Variants in LGR4 observed in about 807,000 individuals in gnomAD.
The protein encoded by LGR4 is leucine-rich repeat-containing G protein-coupled receptor 4.
LGR4 carries 44 observed loss-of-function variants against 84.8 expected under a neutral mutation model. The observed-to-expected ratio is 0.52, with a 90% CI of 0.41 to 0.67. The LOEUF (loss-of-function observed/expected upper bound fraction) is 0.67, where lower values mean the gene tolerates loss of function less well. LGR4 is among the 30% of genes least tolerant of loss of function. The pLI, the probability that LGR4 is intolerant of heterozygous loss-of-function variation, is 0.00. For synonymous variants in LGR4, 429 were observed against 434.3 expected (o/e 0.99, Z 0.15); for missense variants, 1,032 against 1,131.4 (o/e 0.91, Z 1.26).
At chr11:27,460,023 G>A (rs568381595) in intron 1 of LGR4, among the ~76,000 whole-genome samples, 1 of 152,254 alleles carries the variant, frequency 6.6e-6, no homozygotes, top group South Asian at 2.1e-4. Context: ...CCGGGAAGCG[G>A]AGGCTACAGT....
Position 27,380,338 on chromosome 11 carries a change from C to A in LGR4, c.904G>T (p.Val302Phe). The A allele has an allele frequency of 6.2e-7, 1 of 1,604,954 alleles. No individual in the cohort carries two copies. Among genetic ancestry groups the A allele is most frequent in the Non-Finnish European group, 8.5e-7 (1 of 1,175,308 alleles). ...FHNLSDLHSLVIRGASMVQQF... is the reference protein window; with the variant it reads ...FHNLSDLHSLFIRGASMVQQF... ...TGCACCATGCTTGCACCACGAATGA[C>A]TCTTTATGAAATTGAGAAAGACAAG... Residue 302 changes from valine to phenylalanine, a missense_variant and splice_region_variant, in exon 10 of 18, where the codon GTC (valine) becomes TTC (phenylalanine). Transcript: ENST00000379214.
At position 27,366,717 on chromosome 11, in the gene LGR4, TCTA is replaced by T. The variant is rs1200331230; in HGVS notation, c.*1147_*1149del. 6.6e-6 allele frequency: 1 copy of T among 152,558 alleles called. No homozygotes were observed. The highest frequency in any genetic ancestry group is 1.5e-5 in the Non-Finnish European group (1 of 67,974). 9.5% of individuals were successfully genotyped at this position (152,558 alleles called of 1,614,324 possible). ...AGGACTAAGCTTTATTCTTTCTTCT[TCTA>T]TTTTTATTAATAACATATTATCTTG... On this transcript the variant is annotated 3_prime_UTR_variant, in exon 18 of 18. Transcript: ENST00000379214.
chr11:27,391,134 G>A lies in LGR4; in HGVS notation c.361C>T (p.Pro121Ser). 5 of 1,609,762 alleles carry A rather than the reference G, an allele frequency of 3.1e-6. No individual in the cohort carries two copies. The South Asian group carries it at 5.5e-5, about 18-fold the overall frequency. Reference protein sequence around the residue: ...TLQNNQLKTVPSEAIRGLSAL... With the variant: ...TLQNNQLKTVSSEAIRGLSAL... ...CTCAGCCCTCGAATGGCTTCACTGG[G>A]TACTGTTTTCAACTGATTATTCTGG... The change falls in exon 4 of 18, where the codon CCC (proline) becomes TCC (serine). Residue 121 changes from proline to serine, a missense_variant. Transcript: ENST00000379214.
intron 1 of LGR4, among the ~76,000 whole-genome samples, chr11:27,455,074 C>T (rs1864548894): frequency 1.3e-5 from 2 of 152,172 alleles, no homozygotes; most frequent in South Asian, 4.1e-4. Flanking sequence ...CTCACTTTGT[C>T]ACCCATGCTG....
In LGR4 at chr11:27,367,718, G is replaced by C. The variant is rs898258879; in HGVS notation, c.*149C>G. 5.2e-6 allele frequency: 3 copies of C among 579,588 alleles called. No homozygotes were observed. The allele number at this position is 579,588 out of a possible 1,614,324, so 35.9% of individuals were successfully genotyped here. A position where few individuals can be genotyped will look rare whatever the true frequency, so the allele number is the denominator to read the frequency against. On this transcript the variant is annotated 3_prime_UTR_variant, in exon 18 of 18. Transcript: ENST00000379214. ...AGGCACCTGTTCTTTGAAAATGACT[G>C]GTTTGAGAAATAAACTGCCACCTCT...
At chr11:27,442,309 G>C (rs1044023898) in intron 1 of LGR4, among the ~76,000 whole-genome samples, 1 of 152,078 alleles carries the variant, frequency 6.6e-6, no homozygotes, top group African/African-American at 2.4e-5. Context: ...TCTTTTGTAG[G>C]GGTGAAAATG....
At chr11:27,395,726 A>C (rs1863377932) in intron 2 of LGR4, among the ~76,000 whole-genome samples, 1 of 152,182 alleles carries the variant, frequency 6.6e-6, no homozygotes. Context: ...TATCCTGTGG[A>C]GCCTTCAGGA....
intron 1 of LGR4, among the ~76,000 whole-genome samples, chr11:27,433,590 C>A (rs550106279): frequency 2.8e-4 from 43 of 152,060 alleles, no homozygotes; most frequent in Non-Finnish European, 5.6e-4. Context: ...CTAAACTATC[C>A]TCCCTGTGAA....
At chr11:27,441,686 G>A (rs1864306567) in intron 1 of LGR4, among the ~76,000 whole-genome samples, 1 of 152,196 alleles carries the variant, frequency 6.6e-6, no homozygotes. Flanking sequence ...GGATTTAGCA[G>A]TTCTGTGGTC....
At chr11:27,467,374 T>C (rs1590417354) in intron 1 of LGR4, among the ~76,000 whole-genome samples, 1 of 152,012 alleles carries the variant, frequency 6.6e-6, no homozygotes, top group African/African-American at 2.4e-5. Flanking sequence ...AAGACCAGCC[T>C]GGCCAAGATG....
rs769855314 is a variant in LGR4, at chr11:27,371,631, A to G, written c.1563T>C (p.His521=). ...ENEEHSQIII[H]CTPSTGAFKP... is the part of the protein sequence containing the mutation. ...CAGGCATACCTGTTGAAGGTGTACA[A>G]TGGATAATTATTTGACTATGTTCTT... Residue 521 remains histidine, a synonymous_variant, in exon 17 of 18, where the codon CAT becomes CAC. Coordinates refer to ENST00000379214, the MANE Select transcript of LGR4 (RefSeq NM_018490.5). The G allele has an allele frequency of 2.5e-6, 4 of 1,612,910 alleles. No homozygotes were observed. The highest frequency in any genetic ancestry group is 3.4e-6 in the Non-Finnish European group (4 of 1,179,158).
chr11:27,472,578 G>T lies in LGR4; in HGVS notation c.-276C>A. 2.6e-6 allele frequency: 1 copy of T among 377,460 alleles called. No homozygotes were observed. Among genetic ancestry groups the T allele is most frequent in the East Asian group, 3.8e-5 (1 of 26,178 alleles). 23.4% of individuals were successfully genotyped at this position (377,460 alleles called of 1,614,324 possible). On this transcript the variant is annotated 5_prime_UTR_variant, in exon 1 of 18. Coordinates refer to ENST00000379214, the MANE Select transcript of LGR4 (RefSeq NM_018490.5). The stretch of plus-strand genomic sequence containing the variant: ...AGCCGGGCCGGCCCGGCGCAGCGGC[G>T]GGGGCCGCGCTCTGCCATCGCACCG...
intron 1 of LGR4, among the ~76,000 whole-genome samples, chr11:27,437,782 TCC>T (rs1864237210): frequency 2.2e-5 from 1 of 45,234 alleles, no homozygotes; most frequent in Non-Finnish European, 6.4e-5. Flanking sequence ...CAGGAGGACC[TCC>T]TGAGCCCAGG....
At position 27,381,703 on chromosome 11, in the gene LGR4, AATC is replaced by A. The variant is rs1178437339; in HGVS notation, c.758+482_758+484del. Among the ~76,000 whole-genome samples the A allele has an allele frequency of 2.3e-4, 3 of 13,084 alleles. No homozygotes were observed. In the East Asian group the frequency reaches 0.028, roughly 121 times the overall value. 8.6% of individuals were successfully genotyped at this position (13,084 alleles called of 152,430 possible). On this transcript the variant is annotated intron_variant, in intron 7 of 17. Coordinates refer to ENST00000379214, the MANE Select transcript of LGR4 (RefSeq NM_018490.5). ...AGACTCCGTCTCAAAACATACAAAC[AATC>A]AAAAAAAAAAATAAAAACAAAAATG...
intron 16 of LGR4, among the ~76,000 whole-genome samples, chr11:27,371,916 T>C (rs569668809): frequency 5.3e-5 from 8 of 152,244 alleles, no homozygotes; most frequent in Admixed American, 3.9e-4. Context: ...CTGGAATGCA[T>C]TGGCACAATC....
intron 1 of LGR4, among the ~76,000 whole-genome samples, chr11:27,460,982 T>A (rs1293247153): frequency 6.6e-6 from 1 of 152,166 alleles, no homozygotes; most frequent in Non-Finnish European, 1.5e-5. Flanking sequence ...TTGTGAGGGC[T>A]ACTGCATACG....
intron 16 of LGR4, 76 bp from the exon 17 acceptor site, chr11:27,371,774 T>G: frequency 1.9e-6 from 2 of 1,071,480 alleles, no homozygotes; most frequent in Non-Finnish European, 2.8e-6. Context: ...TGCAATTTTC[T>G]CTGTATATAA....
intron 1 of LGR4, among the ~76,000 whole-genome samples, chr11:27,450,942 A>C (rs1864472053): frequency 6.6e-6 from 1 of 152,228 alleles, no homozygotes; most frequent in African/African-American, 2.4e-5. Flanking sequence ...CCCTGGGACA[A>C]AATAATGTCC....
intron 1 of LGR4, among the ~76,000 whole-genome samples, chr11:27,417,379 T>C (rs986033756): frequency 9.2e-5 from 14 of 152,162 alleles, no homozygotes; most frequent in Admixed American, 3.9e-4. Flanking sequence ...CCAGGGTCTT[T>C]GGTAATCAAC....
Sources: gnomAD v4.1 joint callset for allele counts (sites outside exome capture counted in the v4.1 genomes callset) on GRCh38, gnomAD v4.1.1 for gene constraint, MANE v1.5 for transcripts, NCBI Gene and HGNC (gene_info 2026-07-23, HGNC 2026-07-21) for gene names.